Variants in SSU72 observed in about 807,000 individuals in gnomAD.
The protein encoded by SSU72 is RNA polymerase II subunit A C-terminal domain phosphatase SSU72.
In SSU72, 12 loss-of-function variants were observed where a neutral mutation model predicts 22.7. The ratio of observed to expected loss-of-function variants is 0.53; its 90% CI spans 0.34 to 0.86. The LOEUF (loss-of-function observed/expected upper bound fraction) is 0.86. Among genes scored for constraint, SSU72 ranks in the 40% least tolerant of loss-of-function variants. SSU72 has a pLI of 0.02. For synonymous variants in SSU72, 116 were observed against 98.3 expected (o/e 1.18, Z -1.06); for missense variants, 151 against 249.8 (o/e 0.60, Z 2.67).
At chr1:1,573,340 G>A (rs571877912) in intron 1 of SSU72, among the ~76,000 whole-genome samples, 1 of 147,340 alleles carries the variant, frequency 6.8e-6, no homozygotes, top group South Asian at 2.1e-4. Context: ...TGAGGCAGGA[G>A]AATAGCTCGA....
In SSU72 at chr1:1,574,754, C is replaced by T. The variant is rs1319276242; in HGVS notation, c.-197G>A. 3.0e-6 allele frequency: 1 copy of T among 337,690 alleles called. No homozygotes were observed. Among genetic ancestry groups the T allele is most frequent in the East Asian group, 6.2e-5 (1 of 16,128 alleles). 20.9% of individuals were successfully genotyped at this position (337,690 alleles called of 1,614,324 possible). A position where few individuals can be genotyped will look rare whatever the true frequency, so the allele number is the denominator to read the frequency against. ...CCGGGCCGCGGACGGAGCGCAGGCA[C>T]TGGCCTTCGGGCGCGCTGCACTCGG... On this transcript the variant is annotated 5_prime_UTR_variant, in exon 1 of 5. The change creates a new upstream start codon in the 5' untranslated region. Coordinates refer to ENST00000291386, the MANE Select transcript of SSU72 (RefSeq NM_014188.3).
intron 2 of SSU72, 146 bp from the exon 3 acceptor site, chr1:1,545,148 C>G (rs1161263882): frequency 4.3e-6 from 4 of 925,216 alleles, no homozygotes; most frequent in Non-Finnish European, 6.6e-6. Context: ...GGGCCATGCC[C>G]TGGTGAGGCA....
intron 2 of SSU72, among the ~76,000 whole-genome samples, chr1:1,557,139 G>A (rs1284653960): frequency 2.6e-5 from 4 of 152,186 alleles, no homozygotes; most frequent in Non-Finnish European, 5.9e-5. Context: ...TGGGCGGGAC[G>A]CAGTGGCTCA....
chr1:1,547,509 G>A (rs1356214508), intron 2 of SSU72, among the ~76,000 whole-genome samples: 1 of 152,228 alleles, frequency 6.6e-6, no homozygotes, highest in Non-Finnish European at 1.5e-5. Flanking sequence ...CCGCCCAGAG[G>A]GCTAGACCTG....
intron 1 of SSU72, among the ~76,000 whole-genome samples, chr1:1,571,761 T>C (rs1004293071): frequency 6.6e-6 from 1 of 150,904 alleles, no homozygotes; most frequent in Non-Finnish European, 1.5e-5. Context: ...AAGTAGCCGC[T>C]AAACCTGATT....
intron 2 of SSU72, among the ~76,000 whole-genome samples, chr1:1,552,331 T>A (rs1439983019): frequency 6.6e-6 from 1 of 152,200 alleles, no homozygotes; most frequent in African/African-American, 2.4e-5. Context: ...TCTGCACAGT[T>A]TCTGTGATCG....
chr1:1,541,876 A>G lies in SSU72; in HGVS notation c.*190T>C. 1.7e-6 allele frequency: 1 copy of G among 585,518 alleles called. No homozygotes were observed. 36.3% of individuals were successfully genotyped at this position (585,518 alleles called of 1,614,324 possible). ...GTAATCAATATCCTGCTCATAAGTA[A>G]AAGTGGAAAAGAAGAAACTTGATTG... On this transcript the variant is annotated 3_prime_UTR_variant, in exon 5 of 5. Transcript: ENST00000291386.
chr1:1,568,350 T>C (rs1305775136), intron 1 of SSU72, among the ~76,000 whole-genome samples: 1 of 152,096 alleles, frequency 6.6e-6, no homozygotes, highest in African/African-American at 2.4e-5. Context: ...CCCAGCACTT[T>C]GGGAGACCAA....
At position 1,564,853 on chromosome 1, in the gene SSU72, A is replaced by G. The variant is rs760911044; in HGVS notation, c.144T>C (p.Ala48=). 3.1e-6 allele frequency: 5 copies of G among 1,614,134 alleles called. No homozygotes were observed. Among genetic ancestry groups the G allele is most frequent in the Non-Finnish European group, 2.5e-6 (3 of 1,180,036 alleles). The part of the protein sequence containing the change: ...TGTHVKLPGP[A]PDKPNVYDFK... ...AATCATAAACATTGGGCTTGTCGGG[A>G]GCTGGTCCTGGAAGCTTCACGTGAG... The change falls in exon 2 of 5, where the codon GCT becomes GCC. Residue 48 remains alanine, a synonymous_variant. Transcript: ENST00000291386.
intron 2 of SSU72, among the ~76,000 whole-genome samples, chr1:1,556,189 T>A (rs574655391): frequency 6.6e-6 from 1 of 151,030 alleles, no homozygotes; most frequent in African/African-American, 2.4e-5. Context: ...TCCCAGCACT[T>A]TGGGAGGCCA....
intron 2 of SSU72, among the ~76,000 whole-genome samples, chr1:1,552,243 G>A (rs1642463463): frequency 6.6e-6 from 1 of 152,160 alleles, no homozygotes; most frequent in Non-Finnish European, 1.5e-5. Context: ...AGAGGCCCTG[G>A]GAAAACCAGA....
At chr1:1,573,429 C>CAAAAAAAAAAAAAAAA (rs56930035) in intron 1 of SSU72, among the ~76,000 whole-genome samples, 2 of 107,570 alleles carry the variant, frequency 1.9e-5, no homozygotes, top group Non-Finnish European at 5.1e-5. Flanking sequence ...GACTCTGTCT[C>CAAAAAAAAAAAAAAAA]AAAAAAAAAA....
chr1:1,560,842 T>A (rs1023659387), intron 2 of SSU72: 3 of 152,138 alleles, frequency 2.0e-5, no homozygotes, highest in African/African-American at 7.2e-5. Context: ...AATAATAAAT[T>A]AAGTATTTCA....
Position 1,564,925 on chromosome 1 carries a change from C to T in SSU72, c.81-9G>A. The T allele has an allele frequency of 3.2e-6, 5 of 1,584,246 alleles. No homozygotes were observed. Among genetic ancestry groups the T allele is most frequent in the African/African-American group, 1.4e-5 (1 of 73,824 alleles). The stretch of plus-strand genomic sequence containing the variant: ...CGCTGAATCCCCGTTTGCTGAAAGA[C>T]AAAAGGAGAGAAAGAATCACAGTCA... On this transcript the variant is annotated splice_polypyrimidine_tract_variant and intron_variant, in intron 1 of 4. Transcript: ENST00000291386.
At chr1:1,573,997 C>T (rs1029816287) in intron 1 of SSU72, among the ~76,000 whole-genome samples, 2 of 147,902 alleles carry the variant, frequency 1.4e-5, no homozygotes, top group African/African-American at 5.1e-5. Context: ...GGAGGCGTTC[C>T]AGGGAGGAAG....
chr1:1,572,890 G>A (rs76534726), intron 1 of SSU72, among the ~76,000 whole-genome samples: 2 of 102,686 alleles, frequency 1.9e-5, no homozygotes, highest in African/African-American at 7.0e-5. Context: ...GGGGGGGGGG[G>A]TGAGCCTTGC....
chr1:1,543,822 C>A, intron 4 of SSU72, 47 bp downstream of exon 4: 1 of 1,500,140 alleles, frequency 6.7e-7, no homozygotes, highest in South Asian at 1.1e-5. Flanking sequence ...CGGTCACTCC[C>A]CTCTGTCACA....
intron 2 of SSU72, among the ~76,000 whole-genome samples, chr1:1,560,098 C>A (rs1361027135): frequency 1.3e-5 from 2 of 152,198 alleles, no homozygotes; most frequent in Non-Finnish European, 2.9e-5. Flanking sequence ...GGGTGATCCA[C>A]CTGCCTCGGT....
In SSU72 at chr1:1,544,258, G is replaced by A. The variant is rs368288982; in HGVS notation, c.365-271C>T. On this transcript the variant is annotated intron_variant, in intron 3 of 4. Coordinates refer to ENST00000291386, the MANE Select transcript of SSU72 (RefSeq NM_014188.3). The stretch of plus-strand genomic sequence containing the variant: ...TGGGGTGAACCGTGACTGGCATTGC[G>A]ACCCTTCCCCGTCACTAAAGACCAG... 2.0e-4 allele frequency among the ~76,000 whole-genome samples: 30 copies of A among 152,262 alleles called. No individual in the cohort carries two copies. In the East Asian group the frequency reaches 4.7e-3, roughly 24 times the overall value.
Sources: gnomAD v4.1 joint callset for allele counts (sites outside exome capture counted in the v4.1 genomes callset) on GRCh38, gnomAD v4.1.1 for gene constraint, MANE v1.5 for transcripts, NCBI Gene and HGNC (gene_info 2026-07-23, HGNC 2026-07-21) for gene names.